The following SORCS2 variants were observed in gnomAD, a reference collection of about 807,000 sequenced individuals.
SORCS2 encodes VPS10 domain-containing receptor SorCS2.
SORCS2 carries 100 observed loss-of-function variants against 141.6 expected under a neutral mutation model. That is an observed-to-expected ratio of 0.71 (90% CI 0.60 to 0.83). The LOEUF is 0.83. Ranked by LOEUF, SORCS2 falls within the 40% of genes least tolerant of loss-of-function variation. SORCS2 has a pLI of 0.00. For synonymous variants in SORCS2, 789 were observed against 676.9 expected (o/e 1.17, Z -2.57); for missense variants, 1,646 against 1,560.2 (o/e 1.05, Z -0.93).
In SORCS2 at chr4:7,648,259, G is replaced by C. The variant is rs1185998973; in HGVS notation, c.814-5875G>C. Among the ~76,000 whole-genome samples the C allele has an allele frequency of 6.6e-6, 1 of 152,170 alleles. No individual in the cohort carries two copies. The highest frequency in any genetic ancestry group is 1.5e-5 in the Non-Finnish European group (1 of 68,032). ...GCAGGGCTGGTTGAGAAAGGAGCCA[G>C]CTTCTGCTGGGCCCTGCTAAGTTGG... On this transcript the variant is annotated intron_variant, in intron 4 of 26. Transcript: ENST00000507866. The surrounding 1 kb of genome is among the most constrained non-coding windows in gnomAD (Gnocchi z 4.2).
chr4:7,291,617 C>T lies in SORCS2; in HGVS notation c.480+98491C>T, dbSNP rs148531647. Among the ~76,000 whole-genome samples the T allele has an allele frequency of 3.5e-4, 54 of 152,248 alleles. 1 individual carries two copies. The highest frequency in any genetic ancestry group is 2.2e-3 in the Admixed American group (34 of 15,302). On this transcript the variant is annotated intron_variant, in intron 1 of 26. Transcript: ENST00000507866. ...GAGCGTCAGTGCTCGGTCAACTGCACGGCTGGGTCAGGGCTGCCTGCCAGG... is the reference window on the plus strand; with the variant it reads ...GAGCGTCAGTGCTCGGTCAACTGCATGGCTGGGTCAGGGCTGCCTGCCAGG...
chr4:7,635,280 C>T (rs545125082), intron 3 of SORCS2, among the ~76,000 whole-genome samples: 7 of 152,138 alleles, frequency 4.6e-5, no homozygotes, highest in Admixed American at 2.6e-4. Flanking sequence ...CTCCTGACCT[C>T]GGCTCTATCC....
intron 2 of SORCS2, among the ~76,000 whole-genome samples, chr4:7,444,983 C>T (rs930446006): frequency 6.8e-6 from 1 of 146,060 alleles, no homozygotes; most frequent in African/African-American, 2.5e-5. Flanking sequence ...GCTGTGGTTG[C>T]AACACCCAGG....
intron 1 of SORCS2, among the ~76,000 whole-genome samples, chr4:7,287,995 CCGTTGCTGG>C (rs1180482957): frequency 6.6e-6 from 1 of 152,224 alleles, no homozygotes; most frequent in African/African-American, 2.4e-5. Context: ...ATGGGAGAGC[CCGTTGCTGG>C]CGTTGCTGTC....
chr4:7,250,057 C>T (rs1713387139), intron 1 of SORCS2, among the ~76,000 whole-genome samples: 1 of 152,140 alleles, frequency 6.6e-6, no homozygotes, highest in Admixed American at 6.5e-5. Flanking sequence ...GTCTGGCCAA[C>T]ATGGTGAAAC....
chr4:7,283,643 A>C (rs1263885839), intron 1 of SORCS2, among the ~76,000 whole-genome samples: 2 of 152,106 alleles, frequency 1.3e-5, no homozygotes, highest in Non-Finnish European at 2.9e-5. Flanking sequence ...TTGTGGGGTG[A>C]CATTGGGTTG....
chr4:7,571,438 C>A (rs1715386694), intron 3 of SORCS2, among the ~76,000 whole-genome samples: 1 of 152,116 alleles, frequency 6.6e-6, no homozygotes, highest in African/African-American at 2.4e-5. Flanking sequence ...AGTTCACTCC[C>A]CCAGTGTTTG....
intron 2 of SORCS2, among the ~76,000 whole-genome samples, chr4:7,494,572 G>A (rs1731500572): frequency 6.6e-6 from 1 of 152,030 alleles, no homozygotes; most frequent in Non-Finnish European, 1.5e-5. Flanking sequence ...GATCCCCTTG[G>A]ACCAGGGCCC....
chr4:7,511,428 G>A (rs1215522665), intron 2 of SORCS2, among the ~76,000 whole-genome samples: 3 of 122,532 alleles, frequency 2.4e-5, no homozygotes, highest in Non-Finnish European at 3.8e-5. Flanking sequence ...AGAGAGGGGC[G>A]GGGTTGGGGA....
At chr4:7,445,301 A>G (rs1274038644) in intron 2 of SORCS2, among the ~76,000 whole-genome samples, 1 of 151,584 alleles carries the variant, frequency 6.6e-6, no homozygotes, top group African/African-American at 2.4e-5. Context: ...CTGGTGTTTG[A>G]GGTTCTGAGG....
intron 5 of SORCS2, among the ~76,000 whole-genome samples, chr4:7,658,861 G>A (rs1721966926): frequency 6.6e-6 from 1 of 152,224 alleles, no homozygotes. Flanking sequence ...GAGGCCATGG[G>A]GGACTGGGCA....
chr4:7,229,665 G>C (rs1159200575), intron 1 of SORCS2, among the ~76,000 whole-genome samples: 1 of 152,278 alleles, frequency 6.6e-6, no homozygotes, highest in Non-Finnish European at 1.5e-5. Context: ...AAGAGCTTCT[G>C]TCACGGTCGT....
intron 2 of SORCS2, among the ~76,000 whole-genome samples, chr4:7,422,094 A>T (rs1485017475): frequency 6.6e-6 from 1 of 152,110 alleles, no homozygotes; most frequent in East Asian, 1.9e-4. Context: ...ATTTCGGAAA[A>T]CCAAGTCCAC....
At chr4:7,250,481 T>C (rs1288735135) in intron 1 of SORCS2, among the ~76,000 whole-genome samples, 2 of 152,238 alleles carry the variant, frequency 1.3e-5, no homozygotes, top group African/African-American at 2.4e-5. Context: ...AAAAACAACA[T>C]GCATTTTTGT....
At chr4:7,466,984 A>G (rs1169241604) in intron 2 of SORCS2, among the ~76,000 whole-genome samples, 1 of 150,510 alleles carries the variant, frequency 6.6e-6, no homozygotes, top group African/African-American at 2.5e-5. Context: ...CAGGTGGCTC[A>G]GTGGCTCTGT....
At chr4:7,527,104 C>T (rs761988340) in intron 2 of SORCS2, among the ~76,000 whole-genome samples, 15 of 152,170 alleles carry the variant, frequency 9.9e-5, no homozygotes, top group Admixed American at 3.9e-4. Context: ...CCCTGGGGAC[C>T]GCCCGCCCCA....
chr4:7,403,961 G>GTGTATATATATATA (rs1260939310), intron 2 of SORCS2, among the ~76,000 whole-genome samples: 7 of 29,898 alleles, frequency 2.3e-4, no homozygotes, highest in East Asian at 8.7e-4. Context: ...CTCCATGTGT[G>GTGTATATATATATA]TATATATATA....
At chr4:7,299,943 T>C (rs1381598709) in intron 1 of SORCS2, among the ~76,000 whole-genome samples, 1 of 152,214 alleles carries the variant, frequency 6.6e-6, no homozygotes, top group African/African-American at 2.4e-5. Flanking sequence ...CCTTCTGAGC[T>C]GAGGCAGCCA....
intron 3 of SORCS2, among the ~76,000 whole-genome samples, chr4:7,532,931 CTGGGGA>C (rs1711781002): frequency 6.6e-6 from 1 of 151,974 alleles, no homozygotes; most frequent in Non-Finnish European, 1.5e-5. Flanking sequence ...AGACCTGGCC[CTGGGGA>C]CACGAGAGGC....
Sources: allele counts gnomAD v4.1 joint callset (sites outside exome capture counted in the v4.1 genomes callset), GRCh38; gene constraint gnomAD v4.1.1; non-coding constraint Gnocchi (gnomAD v3.1); transcripts MANE v1.5; gene names NCBI Gene and HGNC (gene_info 2026-07-23, HGNC 2026-07-21).